Variants in PCDH10 observed in about 807,000 individuals in gnomAD.
The protein encoded by PCDH10 is protocadherin-10.
PCDH10 carries 15 observed loss-of-function variants against 74.4 expected under a neutral mutation model. That is an observed-to-expected ratio of 0.20 (90% CI 0.13 to 0.31). The LOEUF (loss-of-function observed/expected upper bound fraction) is 0.31, where lower values mean the gene tolerates loss of function less well. Among genes scored for constraint, PCDH10 ranks in the 10% least tolerant of loss-of-function variants. PCDH10 has a pLI of 1.00. For synonymous variants in PCDH10, 619 were observed against 589.8 expected (o/e 1.05, Z -0.72); for missense variants, 1,260 against 1,390.2 (o/e 0.91, Z 1.49).
downstream of PCDH10, among the ~76,000 whole-genome samples, chr4:133,197,494 A>T (rs1215335711): frequency 2.6e-5 from 4 of 152,156 alleles, no homozygotes; most frequent in Admixed American, 2.6e-4. Flanking sequence ...TCTCCTTGTC[A>T]TGAAAACTAG....
At position 133,154,371 on chromosome 4, in the gene PCDH10, G is replaced by A. The variant is rs200542929; in HGVS notation, c.2690+6G>A. 1,022 of 1,583,414 alleles carry A rather than the reference G, an allele frequency of 6.5e-4. 13 individuals carry two copies. In the South Asian group the frequency reaches 0.011, roughly 17 times the overall value. On this transcript the variant is annotated splice_donor_region_variant and intron_variant, in intron 2 of 4. Coordinates refer to ENST00000264360, the MANE Select transcript of PCDH10 (RefSeq NM_032961.3). ...AGACCTCGCCGAGTTAACAGGTATG[G>A]ACTCTTTTTTTCCCTAGCAGTAATG...
At chr4:133,203,625 A>G (rs923077517) in intron 2 of PCDH10, among the ~76,000 whole-genome samples, 5 of 152,196 alleles carry the variant, frequency 3.3e-5, no homozygotes, top group Non-Finnish European at 5.9e-5. Context: ...ACCATTGTCT[A>G]CTATAGGCAT....
intron 2 of PCDH10, among the ~76,000 whole-genome samples, chr4:133,199,949 C>T (rs571092944): frequency 1.1e-4 from 16 of 151,178 alleles, no homozygotes; most frequent in Non-Finnish European, 1.8e-4. Flanking sequence ...AGGTGCACGC[C>T]GCCACGCCCA....
chr4:133,178,234 TTTTG>T (rs1727335221), intron 4 of PCDH10, among the ~76,000 whole-genome samples: 3 of 152,020 alleles, frequency 2.0e-5, no homozygotes, highest in Admixed American at 2.0e-4. Flanking sequence ...TTGTTTTGTT[TTTTG>T]TTTTTCTTTT....
At chr4:133,179,792 T>G (rs1727374620) in intron 4 of PCDH10, among the ~76,000 whole-genome samples, 1 of 152,220 alleles carries the variant, frequency 6.6e-6, no homozygotes, top group East Asian at 1.9e-4. Context: ...CATAACTGTG[T>G]CTGGAACAAA....
chr4:133,175,601 G>A (rs1268018634), intron 4 of PCDH10, among the ~76,000 whole-genome samples: 1 of 151,988 alleles, frequency 6.6e-6, no homozygotes, highest in Non-Finnish European at 1.5e-5. Flanking sequence ...ATCGCCATAG[G>A]AAAAATAAAA....
chr4:133,183,196 A>T (rs2125871041), intron 4 of PCDH10, among the ~76,000 whole-genome samples: 1 of 152,236 alleles, frequency 6.6e-6, no homozygotes, highest in Non-Finnish European at 1.5e-5. Context: ...TATTAAATCA[A>T]ACAAAATTGA....
At chr4:133,187,581 T>A (rs1028241002) in intron 4 of PCDH10, among the ~76,000 whole-genome samples, 4 of 152,124 alleles carry the variant, frequency 2.6e-5, no homozygotes, top group Admixed American at 2.0e-4. Context: ...TATCCAAATC[T>A]GCATTACTGA....
In PCDH10 at chr4:133,191,119, T is replaced by A. The variant is rs1244522157; in HGVS notation, c.*959T>A. 4 of 152,416 alleles carry A rather than the reference T, an allele frequency of 2.6e-5. No individual in the cohort carries two copies. 9.4% of individuals were successfully genotyped at this position (152,416 alleles called of 1,614,324 possible). ...TATTTCTATGACTTTGAATTTAGAA[T>A]CACTTAAAGCTTTTATAAAGAATCG... On this transcript the variant is annotated 3_prime_UTR_variant, in exon 5 of 5. Transcript: ENST00000264360.
At chr4:133,154,266 A>C (rs771882035) in intron 1 of PCDH10, 41 bp from the exon 2 acceptor site, 2 of 1,303,454 alleles carry the variant, frequency 1.5e-6, no homozygotes, top group African/African-American at 2.9e-5. Context: ...AGTTCAACCC[A>C]TAGCATTCAA....
At chr4:133,179,340 A>T (rs1727361888) in intron 4 of PCDH10, among the ~76,000 whole-genome samples, 1 of 152,142 alleles carries the variant, frequency 6.6e-6, no homozygotes, top group African/African-American at 2.4e-5. Flanking sequence ...TTCTCCTCTT[A>T]ACACATTTTT....
At chr4:133,195,622 T>C (rs1727781179), downstream of PCDH10, among the ~76,000 whole-genome samples, 1 of 152,080 alleles carries the variant, frequency 6.6e-6, no homozygotes, top group South Asian at 2.1e-4. Context: ...TATCTGCCTT[T>C]AGGAAAATTA....
At chr4:133,170,289 A>G (rs917312284) in intron 4 of PCDH10, among the ~76,000 whole-genome samples, 28 of 152,228 alleles carry the variant, frequency 1.8e-4, no homozygotes, top group African/African-American at 6.3e-4. Flanking sequence ...TCTCTTAGAG[A>G]TACAGTTCTT....
Position 133,152,222 on chromosome 4 carries a change from A to G in PCDH10, c.2082A>G (p.Gly694=), listed in dbSNP as rs1235748318. 20 of 1,593,512 alleles carry G rather than the reference A, an allele frequency of 1.3e-5. No individual in the cohort carries two copies. The South Asian group carries it at 2.1e-4, about 17-fold the overall frequency. The change falls in exon 1 of 5, where the codon GGA becomes GGG. Residue 694 remains glycine (G), a synonymous_variant. Coordinates refer to ENST00000264360, the MANE Select transcript of PCDH10 (RefSeq NM_032961.3). The stretch of plus-strand genomic sequence containing the variant: ...AGGGCGGGGGCGGGAGCGGAGGCGG[A>G]GGGTCAGGAGAGCACCAGCGCCCCA... ...EPQGGGGSGG[G]GSGEHQRPSR...
chr4:133,162,822 A>C (rs1014894747), intron 3 of PCDH10, among the ~76,000 whole-genome samples, 155 bp from the exon 4 acceptor site: 5 of 152,214 alleles, frequency 3.3e-5, no homozygotes, highest in Non-Finnish European at 5.9e-5. Context: ...CAAAAATGAG[A>C]CAAAATAATA....
chr4:133,152,503 T>A lies in PCDH10; in HGVS notation c.2363T>A (p.Met788Lys). Reference protein sequence around the residue: ...RKKKLSKSDIMLVQSSNVPSN... With the variant: ...RKKKLSKSDIKLVQSSNVPSN... The stretch of plus-strand genomic sequence containing the variant: ...AAGAAACTCAGCAAGTCAGACATCA[T>A]GCTGGTGCAGAGCTCCAATGTACCC... The change falls in exon 1 of 5, where the codon ATG (methionine) becomes AAG (lysine). Residue 788 changes from methionine (M) to lysine (K), a missense_variant. Transcript: ENST00000264360. The A allele has an allele frequency of 2.5e-6, 4 of 1,614,154 alleles. No individual in the cohort carries two copies. The highest frequency in any genetic ancestry group is 3.4e-6 in the Non-Finnish European group (4 of 1,180,004).
Position 133,152,566 on chromosome 4 carries a change from G to A in PCDH10, c.2426G>A (p.Gly809Asp), listed in dbSNP as rs200052528. The A allele has an allele frequency of 5.6e-6, 9 of 1,614,144 alleles. No homozygotes were observed. In the Admixed American group the frequency reaches 8.3e-5, roughly 15 times the overall value. ...PAQVPIEESG[G>D]FGSHHHNQNY... ...CAGGTGCCGATAGAGGAGTCCGGGG[G>A]CTTTGGCTCCCACCACCACAACCAG... The change falls in exon 1 of 5, where the codon GGC (glycine) becomes GAC (aspartate). Residue 809 changes from glycine to aspartate, a missense_variant. Coordinates refer to ENST00000264360, the MANE Select transcript of PCDH10 (RefSeq NM_032961.3).
chr4:133,172,072 A>G (rs1727214506), intron 4 of PCDH10, among the ~76,000 whole-genome samples: 1 of 152,184 alleles, frequency 6.6e-6, no homozygotes, highest in African/African-American at 2.4e-5. Context: ...TAGAGAGAAT[A>G]GTGTACTAAA....
At chr4:133,166,347 C>T (rs1461447790) in intron 4 of PCDH10, among the ~76,000 whole-genome samples, 5 of 151,424 alleles carry the variant, frequency 3.3e-5, no homozygotes, top group African/African-American at 9.7e-5. Flanking sequence ...TAATTGCCTA[C>T]AGCACTTTAA....
Sources: gnomAD v4.1 joint callset for allele counts (sites outside exome capture counted in the v4.1 genomes callset) on GRCh38, gnomAD v4.1.1 for gene constraint, MANE v1.5 for transcripts, NCBI Gene and HGNC (gene_info 2026-07-23, HGNC 2026-07-21) for gene names.